ATP13A3: variants seen among roughly 807,000 people sequenced by gnomAD.
ATP13A3 encodes the protein polyamine-transporting ATPase 13A3.
Under a neutral mutation model 158.1 loss-of-function variants are expected in ATP13A3, and 59 were observed. That is an observed-to-expected ratio of 0.37 (90% confidence interval 0.30 to 0.46). ATP13A3 has a LOEUF of 0.46. Among genes scored for constraint, ATP13A3 ranks in the 20% least tolerant of loss-of-function variants. The pLI is 1.00. For synonymous variants in ATP13A3, 491 were observed against 504.3 expected (o/e 0.97, Z 0.35); for missense variants, 1,166 against 1,525.2 (o/e 0.76, Z 3.92).
At chr3:194,449,251 TTG>T (rs918426747) in intron 11 of ATP13A3, among the ~76,000 whole-genome samples, 7 of 152,158 alleles carry the variant, frequency 4.6e-5, no homozygotes, top group Admixed American at 6.5e-5. Context: ...ATGTATTTGT[TTG>T]TGTGTTTTAA....
At chr3:194,437,714 T>C (rs1717760129) in intron 17 of ATP13A3, 141 bp from the exon 18 acceptor site, 1 of 832,276 alleles carries the variant, frequency 1.2e-6, no homozygotes, top group Non-Finnish European at 1.8e-6. Context: ...GGATTCAAGA[T>C]TCCTTCTATA....
At chr3:194,483,809 C>T (rs189543020) in intron 2 of ATP13A3, among the ~76,000 whole-genome samples, 199 of 152,234 alleles carry the variant, frequency 1.3e-3, no homozygotes, top group Non-Finnish European at 1.6e-3. Flanking sequence ...CACTGCCTAT[C>T]GAGCAGCCCT....
rs994116518 is a variant in ATP13A3 at position 194,405,655 on chromosome 3, A to C, written c.*264T>G. The C allele has an allele frequency of 5.3e-6, 2 of 379,798 alleles. No individual in the cohort carries two copies. The highest frequency in any genetic ancestry group is 9.6e-6 in the Non-Finnish European group (2 of 208,094). 23.5% of individuals were successfully genotyped at this position (379,798 alleles called of 1,614,324 possible). ...TATAAAGAATATCACTGAAAGTAAC[A>C]ATCAAGAAAATTCTGGAAATGTATG... On this transcript the variant is annotated 3_prime_UTR_variant, in exon 34 of 34. Coordinates refer to ENST00000645319, the MANE Select transcript of ATP13A3 (RefSeq NM_001367549.1).
intron 9 of ATP13A3, 142 bp downstream of exon 9, chr3:194,454,116 G>C (rs991014872): frequency 3.9e-5 from 35 of 886,728 alleles, no homozygotes; most frequent in Non-Finnish European, 5.5e-5. Context: ...CAAAAAGGGA[G>C]GGGAGAAGGA....
upstream of ATP13A3, among the ~76,000 whole-genome samples, chr3:194,489,400 G>A (rs540582954): frequency 5.8e-4 from 88 of 152,178 alleles, 1 homozygote; most frequent in Non-Finnish European, 1.2e-3. The surrounding 1 kb of genome is among the most constrained non-coding windows in gnomAD (Gnocchi z 4.1). Flanking sequence ...CTGAGATTGC[G>A]CCATTGCACT....
upstream of ATP13A3, chr3:194,488,164 A>G (rs1231349133): frequency 6.6e-6 from 1 of 152,232 alleles, no homozygotes; most frequent in Non-Finnish European, 1.5e-5. The surrounding 1 kb of genome is among the most constrained non-coding windows in gnomAD (Gnocchi z 4.1). Flanking sequence ...TCTCTTCCCA[A>G]TCCCTGGCCT....
At chr3:194,434,182 A>G (rs1209900278) in intron 20 of ATP13A3, among the ~76,000 whole-genome samples, 1 of 152,236 alleles carries the variant, frequency 6.6e-6, no homozygotes, top group East Asian at 1.9e-4. Flanking sequence ...GCATAAATCT[A>G]TTCTTTACTG....
intron 27 of ATP13A3, among the ~76,000 whole-genome samples, 160 bp from the exon 28 acceptor site, chr3:194,429,077 T>C (rs936222269): frequency 6.6e-5 from 10 of 152,244 alleles, no homozygotes; most frequent in African/African-American, 2.4e-4. Flanking sequence ...AAACTAAATA[T>C]AACATATATT....
intron 31 of ATP13A3, 122 bp from the exon 32 acceptor site, chr3:194,413,961 C>A: frequency 1.3e-6 from 1 of 794,600 alleles, no homozygotes; most frequent in Non-Finnish European, 2.1e-6. Context: ...TATACATTAT[C>A]TACTTAATCC....
At chr3:194,482,254 T>C (rs1157436024) in intron 2 of ATP13A3, among the ~76,000 whole-genome samples, 1 of 152,222 alleles carries the variant, frequency 6.6e-6, no homozygotes, top group Non-Finnish European at 1.5e-5. Flanking sequence ...ACCTGATTAA[T>C]ACAAATTATT....
At chr3:194,456,425 AT>A (rs1207595128) in intron 7 of ATP13A3, among the ~76,000 whole-genome samples, 1 of 152,024 alleles carries the variant, frequency 6.6e-6, no homozygotes, top group African/African-American at 2.4e-5. Flanking sequence ...TTTCCACTTA[AT>A]TCCTTATGTT....
intron 32 of ATP13A3, 65 bp downstream of exon 32, chr3:194,413,694 T>C (rs1715604213): frequency 1.4e-6 from 2 of 1,384,586 alleles, no homozygotes; most frequent in African/African-American, 1.4e-5. Context: ...CTTCTCCCAT[T>C]TACCATTAAA....
intron 16 of ATP13A3, among the ~76,000 whole-genome samples, chr3:194,439,876 A>G (rs890147620): frequency 3.9e-5 from 6 of 152,226 alleles, no homozygotes; most frequent in Admixed American, 2.6e-4. Flanking sequence ...CTGAAAATCT[A>G]TTCAGTTGGA....
intron 14 of ATP13A3, 78 bp downstream of exon 14, chr3:194,446,849 A>C: frequency 7.4e-7 from 1 of 1,357,234 alleles, no homozygotes; most frequent in Non-Finnish European, 1.0e-6. Flanking sequence ...TTTGTTGACA[A>C]AGAAAATAAA....
At position 194,448,492 on chromosome 3, in the gene ATP13A3, G is replaced by C. The variant is rs1420224913; in HGVS notation, c.1115C>G (p.Thr372Ser). 1 of 1,614,118 alleles carries C rather than the reference G, an allele frequency of 6.2e-7. No individual in the cohort carries two copies. The highest frequency in any genetic ancestry group is 8.5e-7 in the Non-Finnish European group (1 of 1,179,972). Residue 372 changes from threonine to serine, a missense_variant, in exon 12 of 34, where the codon ACT becomes AGT. Transcript: ENST00000645319. The surrounding 1 kb of genome is among the most constrained non-coding windows in gnomAD (Gnocchi z 4.0). ...GTTVIQTRFY[T>S]GELVKAIVVR... ...AACTATGGCTTTGACGAGTTCTCCA[G>C]TGTAGAAACGAGTCTGAATAACAGT...
intron 2 of ATP13A3, chr3:194,472,224 G>T: frequency 6.4e-6 from 1 of 157,178 alleles, no homozygotes. Context: ...TTCAGTAGTA[G>T]CTGAACCTGT....
rs1719521231 is a variant in ATP13A3 at position 194,459,912 on chromosome 3, T to C, written c.285A>G (p.Pro95=). The C allele has an allele frequency of 3.7e-6, 6 of 1,613,348 alleles. No individual in the cohort carries two copies. In the South Asian group the frequency reaches 5.5e-5, roughly 15 times the overall value. The change falls in exon 5 of 34, where the codon CCA becomes CCG. Residue 95 remains proline, a synonymous_variant. Transcript: ENST00000645319. ...KIRVLSLETY[P]VSSPKSMSNK... is the part of the protein sequence containing the mutation. Reference sequence around the variant, plus strand: ...TAGACATAGATTTTGGACTTGAAACTGGGTAAGTTTCCAAAGAAAGAACGC... The same window carrying C: ...TAGACATAGATTTTGGACTTGAAACCGGGTAAGTTTCCAAAGAAAGAACGC...
rs963883746 is a variant in ATP13A3, at chr3:194,427,310, A to G, written c.2948-58T>C. ...ATTTACATTAATCTATCACTATATAAGGCATAACTAGATTCATTTAGGAAC... is the reference window on the plus strand; with the variant it reads ...ATTTACATTAATCTATCACTATATAGGGCATAACTAGATTCATTTAGGAAC... On this transcript the variant is annotated intron_variant, in intron 28 of 33. Transcript: ENST00000645319. 6 of 1,411,274 alleles carry G rather than the reference A, an allele frequency of 4.3e-6. No individual in the cohort carries two copies. The Admixed American group carries it at 1.6e-4, about 36-fold the overall frequency. 87.4% of individuals were successfully genotyped at this position (1,411,274 alleles called of 1,614,324 possible).
intron 15 of ATP13A3, among the ~76,000 whole-genome samples, chr3:194,443,521 T>A (rs925194554): frequency 1.4e-4 from 22 of 151,938 alleles, no homozygotes; most frequent in Admixed American, 1.2e-3. Flanking sequence ...TAGGCAAACA[T>A]CAGGCAAAAG....
Sources: allele counts gnomAD v4.1 joint callset (sites outside exome capture counted in the v4.1 genomes callset), GRCh38; gene constraint gnomAD v4.1.1; non-coding constraint Gnocchi (gnomAD v3.1); transcripts MANE v1.5; gene names NCBI Gene and HGNC (gene_info 2026-07-23, HGNC 2026-07-21).